The following LSAMP variants were observed in gnomAD, a reference collection of about 807,000 sequenced individuals.
LSAMP encodes the protein limbic system-associated membrane protein.
Under a neutral mutation model 38.6 loss-of-function variants are expected in LSAMP, and 7 were observed. The observed-to-expected ratio is 0.18, with a 90% confidence interval of 0.10 to 0.34. LSAMP has a LOEUF of 0.34. Among genes scored for constraint, LSAMP ranks in the 10% least tolerant of loss-of-function variants. The pLI is 1.00. For missense variants in LSAMP, 313 were observed against 420.0 expected, an observed-to-expected ratio of 0.75 and a Z score of 2.23; for synonymous variants, 154 against 166.8, an observed-to-expected ratio of 0.92 and a Z score of 0.59.
rs59830926 is a variant in LSAMP at position 115,871,582 on chromosome 3, AGTGTGTGT to A, written c.515-18973_515-18966del. The stretch of plus-strand genomic sequence containing the variant: ...AGCTACCTAAAGAAAACCAACGTGT[AGTGTGTGT>A]GTGTGTGTGTGTGTGTGTGTGTGTG... On this transcript the variant is annotated intron_variant, in intron 3 of 6. Transcript: ENST00000490035. Among the ~76,000 whole-genome samples the A allele has an allele frequency of 9.3e-3, 1,343 of 145,020 alleles. 22 individuals are homozygous for A. Among genetic ancestry groups the A allele is most frequent in the African/African-American group, 0.03 (1,201 of 39,852 alleles).
chr3:116,179,252 A>G (rs1202394481), intron 1 of LSAMP, among the ~76,000 whole-genome samples: 3 of 152,160 alleles, frequency 2.0e-5, no homozygotes. Flanking sequence ...AAACAGTTTC[A>G]TCTGTGGTCA....
At chr3:116,179,709 G>A (rs1710439072) in intron 1 of LSAMP, among the ~76,000 whole-genome samples, 1 of 151,972 alleles carries the variant, frequency 6.6e-6, no homozygotes, top group East Asian at 1.9e-4. Context: ...AACAGCAAGG[G>A]GAAAATCTGG....
chr3:115,930,235 C>T, intron 3 of LSAMP, among the ~76,000 whole-genome samples: 1 of 151,926 alleles, frequency 6.6e-6, no homozygotes, highest in East Asian at 1.9e-4. Flanking sequence ...AACAAAATTA[C>T]AGATTTATTT....
At chr3:116,101,634 C>T (rs1229737990) in intron 1 of LSAMP, among the ~76,000 whole-genome samples, 2 of 152,056 alleles carry the variant, frequency 1.3e-5, no homozygotes, top group African/African-American at 4.8e-5. Flanking sequence ...GTACAGAATG[C>T]ATTAGAACTT....
At chr3:116,273,064 T>C (rs1234869897) in intron 1 of LSAMP, among the ~76,000 whole-genome samples, 9 of 152,092 alleles carry the variant, frequency 5.9e-5, no homozygotes, top group Non-Finnish European at 1.0e-4. Flanking sequence ...CACTGTTCGC[T>C]CAAAGGTCAT....
chr3:115,838,507 C>T lies in LSAMP; in HGVS notation c.919+3338G>A, dbSNP rs189519717. On this transcript the variant is annotated intron_variant, in intron 6 of 6. Transcript: ENST00000490035. Reference sequence around the variant, plus strand: ...CTGAGAAAGACTAGGGAGCTGAATCCTTGGCCATACATTGTGCCATTGGAT... The same window carrying T: ...CTGAGAAAGACTAGGGAGCTGAATCTTTGGCCATACATTGTGCCATTGGAT... Among the ~76,000 whole-genome samples the T allele has an allele frequency of 6.2e-3, 937 of 152,284 alleles. 7 individuals carry two copies. The highest frequency in any genetic ancestry group is 0.014 in the Middle Eastern group (4 of 294).
chr3:116,220,766 T>C (rs1277417262), intron 1 of LSAMP, among the ~76,000 whole-genome samples: 1 of 152,062 alleles, frequency 6.6e-6, no homozygotes, highest in African/African-American at 2.4e-5. Flanking sequence ...AGGAGAACAA[T>C]GTTGACATGG....
At chr3:115,945,382 C>G (rs1235479406) in intron 3 of LSAMP, among the ~76,000 whole-genome samples, 1 of 151,952 alleles carries the variant, frequency 6.6e-6, no homozygotes, top group East Asian at 1.9e-4. Flanking sequence ...CATATGGGAG[C>G]CTGGGATTAT....
At chr3:116,002,759 T>G (rs1940036687) in intron 3 of LSAMP, among the ~76,000 whole-genome samples, 1 of 152,190 alleles carries the variant, frequency 6.6e-6, no homozygotes, top group Non-Finnish European at 1.5e-5. Flanking sequence ...CTCAGCTTAC[T>G]TTGGCTGCTT....
At chr3:115,948,431 C>T (rs977011940) in intron 3 of LSAMP, among the ~76,000 whole-genome samples, 17 of 152,072 alleles carry the variant, frequency 1.1e-4, no homozygotes, top group African/African-American at 4.1e-4. Context: ...ATCAAGTATC[C>T]TCTCAGACCA....
At chr3:116,035,249 T>C (rs1235229057) in intron 2 of LSAMP, among the ~76,000 whole-genome samples, 3 of 152,342 alleles carry the variant, frequency 2.0e-5, no homozygotes, top group Non-Finnish European at 4.4e-5. Context: ...TGTTAAATTT[T>C]ATATGCTACT....
At position 116,233,549 on chromosome 3, in the gene LSAMP, C is replaced by A. The variant is rs368570515; in HGVS notation, c.156-146993G>T. On this transcript the variant is annotated intron_variant, in intron 1 of 6. Transcript: ENST00000490035. ...TTACTGTAAATTATAGTCACCACACCAAACACTAGCTCTTATTCCTTCCAT... is the reference window on the plus strand; with the variant it reads ...TTACTGTAAATTATAGTCACCACACAAAACACTAGCTCTTATTCCTTCCAT... Among the ~76,000 whole-genome samples the A allele has an allele frequency of 3.0e-4, 46 of 151,704 alleles. 1 individual carries two copies. Among genetic ancestry groups the A allele is most frequent in the African/African-American group, 1.1e-3 (46 of 41,244 alleles).
chr3:116,118,102 A>G (rs928626917), intron 1 of LSAMP, among the ~76,000 whole-genome samples: 2 of 152,150 alleles, frequency 1.3e-5, no homozygotes, highest in African/African-American at 4.8e-5. Context: ...TTTAATATGC[A>G]TATGTCACAT....
In LSAMP at chr3:115,807,808, A is replaced by G. The variant is rs570995233; in HGVS notation, c.*2509T>C. Reference sequence around the variant, plus strand: ...TGTTAAGAGAAATACCTGATTGTCAATAAATTGATGCTGCATAGGAATATG... The same window carrying G: ...TGTTAAGAGAAATACCTGATTGTCAGTAAATTGATGCTGCATAGGAATATG... On this transcript the variant is annotated 3_prime_UTR_variant, in exon 7 of 7. Transcript: ENST00000490035. 5 of 152,262 alleles carry G rather than the reference A, an allele frequency of 3.3e-5. No homozygotes were observed. The East Asian group carries it at 9.6e-4, about 29-fold the overall frequency. The allele number at this position is 152,262 out of a possible 1,614,324, so 9.4% of individuals were successfully genotyped here.
At chr3:115,886,564 T>C (rs988854957) in intron 3 of LSAMP, among the ~76,000 whole-genome samples, 1 of 152,042 alleles carries the variant, frequency 6.6e-6, no homozygotes, top group Non-Finnish European at 1.5e-5. Flanking sequence ...AGACTTGAAA[T>C]ACTGGTAAGT....
intron 3 of LSAMP, among the ~76,000 whole-genome samples, chr3:115,904,908 C>A (rs565103784): frequency 6.6e-6 from 1 of 152,238 alleles, no homozygotes; most frequent in South Asian, 2.1e-4. Flanking sequence ...CTCTTTTGGA[C>A]CCGTAGAGAA....
intron 1 of LSAMP, among the ~76,000 whole-genome samples, chr3:116,202,323 G>A (rs1213166547): frequency 5.3e-5 from 8 of 151,910 alleles, no homozygotes; most frequent in Non-Finnish European, 1.0e-4. Flanking sequence ...TAGTAGAGAC[G>A]GGGTTTCACC....
In LSAMP at chr3:116,399,287, C is replaced by T. The variant is rs1339286017; in HGVS notation, c.155+45590G>A. Among the ~76,000 whole-genome samples, 3 of 152,166 alleles carry T rather than the reference C, an allele frequency of 2.0e-5. No individual in the cohort carries two copies. In the East Asian group the frequency reaches 5.8e-4, roughly 29 times the overall value. On this transcript the variant is annotated intron_variant, in intron 1 of 6. Transcript: ENST00000490035. ...AGAGTAGAATCAACATTTAGAAAGC[C>T]ATAACTACAAAATGTAGAATAGATT...
At chr3:116,167,985 A>G (rs556624414) in intron 1 of LSAMP, among the ~76,000 whole-genome samples, 2 of 152,294 alleles carry the variant, frequency 1.3e-5, no homozygotes, top group Admixed American at 1.3e-4. Flanking sequence ...CCCATGGAAG[A>G]GTAGAATTGA....
Sources: gnomAD v4.1 joint callset for allele counts (sites outside exome capture counted in the v4.1 genomes callset) on GRCh38, gnomAD v4.1.1 for gene constraint, MANE v1.5 for transcripts, NCBI Gene and HGNC (gene_info 2026-07-23, HGNC 2026-07-21) for gene names.